SEMA5A: variants seen among roughly 807,000 people sequenced by gnomAD.
SEMA5A encodes the protein semaphorin-5A.
Under a neutral mutation model 135.5 loss-of-function variants are expected in SEMA5A, and 55 were observed. The observed-to-expected ratio is 0.41, with a 90% CI of 0.33 to 0.51. The LOEUF (loss-of-function observed/expected upper bound fraction) is 0.51. SEMA5A is among the 20% of genes least tolerant of loss of function. The probability of loss-of-function intolerance (pLI) is 0.37; values close to 1 mark genes in which losing one functional copy is unlikely to be tolerated. For synonymous variants in SEMA5A, 580 were observed against 546.5 expected (o/e 1.06, Z -0.85); for missense variants, 1,290 against 1,419.9 (o/e 0.91, Z 1.47).
intron 15 of SEMA5A, among the ~76,000 whole-genome samples, chr5:9,113,962 A>G (rs1193464355): frequency 6.6e-6 from 1 of 152,240 alleles, no homozygotes; most frequent in Non-Finnish European, 1.5e-5. Context: ...GTATACACAA[A>G]AAAGTTAAAA....
chr5:9,314,733 C>T (rs1273348330), intron 5 of SEMA5A, among the ~76,000 whole-genome samples: 1 of 152,082 alleles, frequency 6.6e-6, no homozygotes, highest in Non-Finnish European at 1.5e-5. Context: ...TGCCAGCCTT[C>T]TCTCTCCAGA....
chr5:9,417,978 CTTT>C (rs113658144), intron 2 of SEMA5A, among the ~76,000 whole-genome samples: 6 of 138,544 alleles, frequency 4.3e-5, no homozygotes, highest in African/African-American at 2.7e-5. Flanking sequence ...AGTGTCTCTT[CTTT>C]TTTTTTTTTT....
chr5:9,158,198 A>G (rs1486618492), intron 11 of SEMA5A, among the ~76,000 whole-genome samples: 1 of 152,212 alleles, frequency 6.6e-6, no homozygotes, highest in Non-Finnish European at 1.5e-5. Flanking sequence ...GCGCTGATTA[A>G]TATTTTTCCC....
chr5:9,237,454 AT>A (rs1747970239), intron 6 of SEMA5A, among the ~76,000 whole-genome samples: 1 of 152,222 alleles, frequency 6.6e-6, no homozygotes, highest in Non-Finnish European at 1.5e-5. Flanking sequence ...TAATAAATTT[AT>A]TTGTCATATC....
intron 6 of SEMA5A, among the ~76,000 whole-genome samples, chr5:9,233,822 C>T (rs138405494): frequency 7.9e-5 from 12 of 152,254 alleles, no homozygotes; most frequent in South Asian, 2.1e-4. Context: ...GTCCTCCCTG[C>T]ACACCCAGCC....
chr5:9,381,025 T>C lies in SEMA5A; in HGVS notation c.-77-1002A>G, dbSNP rs1001134826. On this transcript the variant is annotated intron_variant, in intron 2 of 22. Transcript: ENST00000382496. ...TAGGAATGGTGTGCTGTACTCGATC[T>C]AGGAAGTTTAAAGGGAAGTATTGGG... 2.0e-5 allele frequency among the ~76,000 whole-genome samples: 3 copies of C among 152,148 alleles called. 1 individual carries two copies. The highest frequency in any genetic ancestry group is 7.2e-5 in the African/African-American group (3 of 41,450).
chr5:9,154,391 G>T, intron 12 of SEMA5A, 97 bp downstream of exon 12: 2 of 1,080,202 alleles, frequency 1.9e-6, no homozygotes, highest in East Asian at 2.5e-5. Context: ...GTGGCTCTGA[G>T]GCCATTCAAC....
chr5:9,066,575 A>G lies in SEMA5A; in HGVS notation c.2145T>C (p.Pro715=). The change falls in exon 17 of 23, where the codon CCT becomes CCC. Residue 715 remains proline, a synonymous_variant. Transcript: ENST00000382496. Reference sequence around the variant, plus strand: ...GGCCGCCGTTGTCAGAGATGTTGACAGGTGTCCAGGGTGTCCAGGGCGTGG... The same window carrying G: ...GGCCGCCGTTGTCAGAGATGTTGACGGGTGTCCAGGGTGTCCAGGGCGTGG... ...KKTTPWTPWT[P]VNISDNGGHY... 1 of 1,614,206 alleles carries G rather than the reference A, an allele frequency of 6.2e-7. No homozygotes were observed. The highest frequency in any genetic ancestry group is 8.5e-7 in the Non-Finnish European group (1 of 1,180,038).
Position 9,371,336 on chromosome 5 carries a change from G to A in SEMA5A, c.124+8487C>T, listed in dbSNP as rs146037871. On this transcript the variant is annotated intron_variant, in intron 3 of 22. Transcript: ENST00000382496. The stretch of plus-strand genomic sequence containing the variant: ...ATTGCTTATAAAAATGCACAACAGG[G>A]ACCCTCTCAGGTCTCATCAGCCAAA... Among the ~76,000 whole-genome samples, 23 of 152,148 alleles carry A rather than the reference G, an allele frequency of 1.5e-4. No homozygotes were observed. In the East Asian group the frequency reaches 4.4e-3, roughly 29 times the overall value.
chr5:9,262,954 C>CG (rs1749478995), intron 5 of SEMA5A, among the ~76,000 whole-genome samples: 1 of 125,258 alleles, frequency 8.0e-6, no homozygotes, highest in Non-Finnish European at 1.7e-5. Context: ...AAAATATTTT[C>CG]GAAAAAATAA....
At chr5:9,363,801 T>C (rs908603787) in intron 3 of SEMA5A, among the ~76,000 whole-genome samples, 1 of 152,196 alleles carries the variant, frequency 6.6e-6, no homozygotes, top group Non-Finnish European at 1.5e-5. Flanking sequence ...GACTCAGAGC[T>C]GCCAAGGGTC....
chr5:9,164,714 T>C (rs1743510795), intron 11 of SEMA5A, among the ~76,000 whole-genome samples: 2 of 152,298 alleles, frequency 1.3e-5, no homozygotes, highest in South Asian at 4.1e-4. Context: ...TCTGGTGATT[T>C]TGGGGGAAAT....
intron 5 of SEMA5A, among the ~76,000 whole-genome samples, chr5:9,265,277 C>T (rs1749625391): frequency 2.0e-5 from 3 of 152,268 alleles, no homozygotes; most frequent in African/African-American, 7.2e-5. Context: ...TGAGGCTCCT[C>T]TTGTGGATGA....
chr5:9,519,040 G>C (rs988198870), intron 1 of SEMA5A, among the ~76,000 whole-genome samples: 2 of 152,098 alleles, frequency 1.3e-5, no homozygotes, highest in Admixed American at 1.3e-4. Flanking sequence ...ATATAATTTT[G>C]AGCTCCACTC....
chr5:9,318,469 TAA>T (rs1169972983), intron 4 of SEMA5A, 52 bp from the exon 5 acceptor site: 3 of 1,432,182 alleles, frequency 2.1e-6, no homozygotes, highest in African/African-American at 2.9e-5. Flanking sequence ...CACAGAAAGT[TAA>T]GAGTTTATAA....
chr5:9,448,964 G>C (rs1758534852), intron 1 of SEMA5A, among the ~76,000 whole-genome samples: 2 of 152,234 alleles, frequency 1.3e-5, no homozygotes, highest in Admixed American at 1.3e-4. Context: ...CAACAGTTTG[G>C]TTGGTGGGAA....
At chr5:9,349,398 A>G (rs1754014261) in intron 3 of SEMA5A, among the ~76,000 whole-genome samples, 1 of 152,202 alleles carries the variant, frequency 6.6e-6, no homozygotes, top group Non-Finnish European at 1.5e-5. Context: ...ACAAAGTTAT[A>G]TAAGACAGAC....
chr5:9,225,303 C>T (rs1476253000), intron 7 of SEMA5A, among the ~76,000 whole-genome samples: 1 of 149,562 alleles, frequency 6.7e-6, no homozygotes, highest in Non-Finnish European at 1.5e-5. Flanking sequence ...CCTATAATCC[C>T]AGCACTTTGG....
intron 13 of SEMA5A, among the ~76,000 whole-genome samples, chr5:9,127,918 T>C (rs553109455): frequency 1.2e-4 from 19 of 152,140 alleles, no homozygotes; most frequent in African/African-American, 4.6e-4. Flanking sequence ...CAGAAGGAAG[T>C]ACAATATGAT....
Sources: allele counts gnomAD v4.1 joint callset (sites outside exome capture counted in the v4.1 genomes callset), GRCh38; gene constraint gnomAD v4.1.1; transcripts MANE v1.5; gene names NCBI Gene and HGNC (gene_info 2026-07-23, HGNC 2026-07-21).